The following IGF1R variants were observed in gnomAD, a reference collection of about 807,000 sequenced individuals.
IGF1R encodes insulin like growth factor 1 receptor.
Under a neutral mutation model 144.6 loss-of-function variants are expected in IGF1R, and 44 were observed. The ratio of observed to expected loss-of-function variants is 0.30; its 90% CI spans 0.24 to 0.39. The LOEUF (loss-of-function observed/expected upper bound fraction) is 0.39, where lower values mean the gene tolerates loss of function less well. Ranked by LOEUF, IGF1R falls within the 10% of genes least tolerant of loss-of-function variation. IGF1R has a pLI of 1.00. For synonymous variants in IGF1R, 795 were observed against 722.8 expected, an observed-to-expected ratio of 1.10 and a Z score of -1.60; for missense variants, 1,355 against 1,833.7, an observed-to-expected ratio of 0.74 and a Z score of 4.77.
rs972720459 is a variant in IGF1R at position 98,852,213 on chromosome 15, G to A, written c.641-39112G>A. ...GCAAGTCAGCAGTTCTGGCGCAGGG[G>A]CTCCGGGGGACGCCCGCTCCGCCGG... On this transcript the variant is annotated intron_variant, in intron 2 of 20. Coordinates refer to ENST00000650285, the MANE Select transcript of IGF1R (RefSeq NM_000875.5). Among the ~76,000 whole-genome samples the A allele has an allele frequency of 2.6e-5, 4 of 152,214 alleles. 1 individual carries two copies. The highest frequency in any genetic ancestry group is 4.1e-4 in the South Asian group (2 of 4,834).
At chr15:98,702,037 T>TG (rs918415511) in intron 1 of IGF1R, among the ~76,000 whole-genome samples, 1 of 147,896 alleles carries the variant, frequency 6.8e-6, no homozygotes, top group Admixed American at 6.7e-5. Flanking sequence ...CACGCTGTTT[T>TG]TTTTTTTTTT....
intron 2 of IGF1R, among the ~76,000 whole-genome samples, chr15:98,828,578 A>G (rs59168546): frequency 5.9e-5 from 9 of 152,288 alleles, no homozygotes; most frequent in African/African-American, 2.2e-4. Flanking sequence ...CAGACTTTTC[A>G]AAACCCCTCT....
intron 1 of IGF1R, among the ~76,000 whole-genome samples, chr15:98,663,498 A>G (rs550208889): frequency 6.6e-6 from 1 of 152,358 alleles, no homozygotes; most frequent in Admixed American, 6.5e-5. Flanking sequence ...GATACCTGGT[A>G]GCATCAAGGG....
chr15:98,716,070 T>C (rs2054107812), intron 2 of IGF1R, among the ~76,000 whole-genome samples: 1 of 152,146 alleles, frequency 6.6e-6, no homozygotes, highest in African/African-American at 2.4e-5. Flanking sequence ...GACTTGGGCA[T>C]GTGAGGCTGG....
At chr15:98,945,463 T>C (rs2016516800) in intron 19 of IGF1R, among the ~76,000 whole-genome samples, 1 of 152,254 alleles carries the variant, frequency 6.6e-6, no homozygotes, top group Admixed American at 6.5e-5. Context: ...TCAAGGTTCC[T>C]AATTAGAAAG....
intron 15 of IGF1R, among the ~76,000 whole-genome samples, chr15:98,933,947 C>T (rs931076430): frequency 2.0e-5 from 3 of 152,170 alleles, no homozygotes; most frequent in African/African-American, 7.2e-5. Context: ...TGCAGTTCAG[C>T]TTTGTAACCG....
intron 2 of IGF1R, among the ~76,000 whole-genome samples, chr15:98,733,719 A>G (rs1201132783): frequency 1.3e-5 from 2 of 152,174 alleles, no homozygotes; most frequent in South Asian, 2.1e-4. Flanking sequence ...GGTCTTAACA[A>G]GATCTAGGTG....
chr15:98,762,022 A>G (rs1257088942), intron 2 of IGF1R, among the ~76,000 whole-genome samples: 3 of 152,136 alleles, frequency 2.0e-5, no homozygotes, highest in Non-Finnish European at 4.4e-5. Flanking sequence ...TTGCCTGCCT[A>G]GCATTTGTTC....
At chr15:98,688,806 G>C (rs141542605) in intron 1 of IGF1R, among the ~76,000 whole-genome samples, 1 of 152,208 alleles carries the variant, frequency 6.6e-6, no homozygotes, top group East Asian at 1.9e-4. Flanking sequence ...ATTTTTTTTG[G>C]AGAAAGGGCC....
chr15:98,788,157 A>G (rs1020272437), intron 2 of IGF1R, among the ~76,000 whole-genome samples: 3 of 151,652 alleles, frequency 2.0e-5, no homozygotes, highest in African/African-American at 7.3e-5. Flanking sequence ...CCCGTATGCT[A>G]TTGTGTAGGA....
At chr15:98,783,753 G>A (rs1348433887) in intron 2 of IGF1R, among the ~76,000 whole-genome samples, 1 of 152,018 alleles carries the variant, frequency 6.6e-6, no homozygotes, top group Admixed American at 6.5e-5. Context: ...CTCAAGATAT[G>A]TCAACTCCTT....
At chr15:98,862,176 G>A (rs1170503371) in intron 2 of IGF1R, among the ~76,000 whole-genome samples, 1 of 152,246 alleles carries the variant, frequency 6.6e-6, no homozygotes, top group African/African-American at 2.4e-5. Context: ...TCTGTTTTAT[G>A]TATAACATGC....
intron 1 of IGF1R, among the ~76,000 whole-genome samples, chr15:98,702,032 T>C (rs1362074126): frequency 2.5e-5 from 2 of 78,818 alleles, no homozygotes; most frequent in African/African-American, 4.5e-5. Flanking sequence ...GGAGTCACGC[T>C]GTTTTTTTTT....
In IGF1R at chr15:98,957,290, G is replaced by A. The variant is rs138696883; in HGVS notation, c.3952G>A (p.Asp1318Asn). 16 of 1,613,660 alleles carry A rather than the reference G, an allele frequency of 9.9e-6. No individual in the cohort carries two copies. The highest frequency in any genetic ancestry group is 1.6e-4 in the Middle Eastern group (1 of 6,082). ...CTCCTCGTCCTCCCTGCCACTGCCC[G>A]ACAGACACTCAGGACACAAGGCCGA... is the stretch of plus-strand genomic sequence containing the variant. Reference protein sequence around the residue: ...SASSSSLPLPDRHSGHKAENG... With the variant: ...SASSSSLPLPNRHSGHKAENG... Residue 1318 changes from aspartate (D) to asparagine (N), a missense_variant, in exon 21 of 21, where the codon GAC becomes AAC. By Grantham distance (23) the Asp-to-Asn change is conservative (BLOSUM62 1). Around this residue, in one of 7 missense-constraint regions of IGF1R, gnomAD observed 219 missense variants for 188.8 expected, o/e 1.16. Coordinates refer to ENST00000650285, the MANE Select transcript of IGF1R (RefSeq NM_000875.5).
At chr15:98,796,915 C>T (rs2056256265) in intron 2 of IGF1R, among the ~76,000 whole-genome samples, 1 of 152,218 alleles carries the variant, frequency 6.6e-6, no homozygotes. Context: ...CTCGCGACTC[C>T]TGTTGGCTTG....
intron 20 of IGF1R, among the ~76,000 whole-genome samples, chr15:98,949,661 G>A (rs767895441): frequency 5.3e-5 from 8 of 152,168 alleles, no homozygotes; most frequent in African/African-American, 1.9e-4. Flanking sequence ...ATGAGCCATC[G>A]CACCTGGCAA....
intron 1 of IGF1R, among the ~76,000 whole-genome samples, chr15:98,678,496 TAA>T (rs5814889): frequency 0.021 from 3,098 of 145,928 alleles, 72 homozygotes; most frequent in African/African-American, 0.059. Flanking sequence ...GGCTGACACT[TAA>T]AAAAAAAAAA....
At chr15:98,797,745 T>A (rs766746750) in intron 2 of IGF1R, among the ~76,000 whole-genome samples, 3 of 152,240 alleles carry the variant, frequency 2.0e-5, no homozygotes, top group Non-Finnish European at 4.4e-5. Context: ...ACGTAGCTAC[T>A]TGGGGTTACA....
chr15:98,961,595 C>T lies in IGF1R; in HGVS notation c.*4153C>T. 1 of 233,678 alleles carries T rather than the reference C, an allele frequency of 4.3e-6. No individual in the cohort carries two copies. Among genetic ancestry groups the T allele is most frequent in the Non-Finnish European group, 8.5e-6 (1 of 118,040 alleles). 14.5% of individuals were successfully genotyped at this position (233,678 alleles called of 1,614,324 possible). A position where few individuals can be genotyped will look rare whatever the true frequency, so the allele number is the denominator to read the frequency against. The stretch of plus-strand genomic sequence containing the variant: ...GTTGTGGCATTTTCCATGCAACCTC[C>T]TTCTGCCAGCAGCTCACACTGCTTG... On this transcript the variant is annotated 3_prime_UTR_variant, in exon 21 of 21. Transcript: ENST00000650285.
Sources: allele counts gnomAD v4.1 joint callset (sites outside exome capture counted in the v4.1 genomes callset), GRCh38; gene constraint gnomAD v4.1.1; regional missense constraint gnomAD v4.1.1; transcripts MANE v1.5; gene names NCBI Gene and HGNC (gene_info 2026-07-23, HGNC 2026-07-21).